Variants in GMDS observed in about 807,000 individuals in gnomAD.
The protein encoded by GMDS is GDP-mannose 4,6-dehydratase, also known as GDP-mannose 4,6 dehydratase.
GMDS carries 20 observed loss-of-function variants against 49.9 expected under a neutral mutation model. The observed-to-expected ratio is 0.40, with a 90% confidence interval of 0.28 to 0.58. The LOEUF is 0.58. Ranked by LOEUF, GMDS falls within the 20% of genes least tolerant of loss-of-function variation. GMDS has a pLI of 0.42. For synonymous variants in GMDS, 177 were observed against 178.6 expected (o/e 0.99, Z 0.07); for missense variants, 362 against 481.4 (o/e 0.75, Z 2.32).
intron 9 of GMDS, among the ~76,000 whole-genome samples, chr6:1,650,244 A>G (rs1763610533): frequency 6.6e-6 from 1 of 152,058 alleles, no homozygotes; most frequent in Admixed American, 6.5e-5. Flanking sequence ...CCCAGCAAAG[A>G]CTGACAGGAT....
intron 7 of GMDS, among the ~76,000 whole-genome samples, chr6:1,928,027 T>A (rs1444467797): frequency 6.6e-6 from 1 of 152,194 alleles, no homozygotes; most frequent in East Asian, 1.9e-4. Context: ...TGAATGAAAT[T>A]TAATCGATTT....
intron 4 of GMDS, among the ~76,000 whole-genome samples, chr6:2,053,210 C>T (rs997863134): frequency 6.6e-6 from 1 of 151,874 alleles, no homozygotes; most frequent in Non-Finnish European, 1.5e-5. Flanking sequence ...AAAAAATAGG[C>T]CTTATATAAA....
intron 9 of GMDS, among the ~76,000 whole-genome samples, chr6:1,632,713 C>CA (rs938142446): frequency 3.3e-5 from 5 of 152,036 alleles, no homozygotes; most frequent in African/African-American, 4.8e-5. Flanking sequence ...CCTGTCTCTA[C>CA]AAAAAACTTT....
intron 7 of GMDS, among the ~76,000 whole-genome samples, chr6:1,814,669 T>C (rs1001753967): frequency 3.3e-5 from 5 of 152,208 alleles, no homozygotes; most frequent in African/African-American, 9.6e-5. Context: ...AATATATATA[T>C]TTGACTGATA....
At chr6:1,819,089 G>A (rs1303844857) in intron 7 of GMDS, among the ~76,000 whole-genome samples, 1 of 151,792 alleles carries the variant, frequency 6.6e-6, no homozygotes, top group African/African-American at 2.4e-5. Context: ...AGATGCTACT[G>A]ACAGACTGCA....
intron 7 of GMDS, among the ~76,000 whole-genome samples, chr6:1,812,370 C>T (rs1004129735): frequency 5.9e-5 from 9 of 152,148 alleles, no homozygotes; most frequent in Non-Finnish European, 1.3e-4. Context: ...CAGAGGATTA[C>T]CTACTGGGGC....
chr6:1,799,521 A>G (rs1769864876), intron 7 of GMDS, among the ~76,000 whole-genome samples: 1 of 152,186 alleles, frequency 6.6e-6, no homozygotes, highest in Non-Finnish European at 1.5e-5. Context: ...CTTCATTATT[A>G]TCGAAATAGG....
At chr6:2,188,881 G>A (rs1370788261) in intron 1 of GMDS, among the ~76,000 whole-genome samples, 1 of 152,192 alleles carries the variant, frequency 6.6e-6, no homozygotes, top group African/African-American at 2.4e-5. Context: ...GGGCCCTGGA[G>A]AAAGATCAGC....
intron 4 of GMDS, among the ~76,000 whole-genome samples, chr6:2,009,886 T>C (rs1767441809): frequency 6.6e-6 from 1 of 152,014 alleles, no homozygotes; most frequent in African/African-American, 2.4e-5. Flanking sequence ...CAATGACCAG[T>C]TGGAAAAAGT....
At chr6:1,763,829 T>C (rs528492505) in intron 7 of GMDS, among the ~76,000 whole-genome samples, 2 of 152,274 alleles carry the variant, frequency 1.3e-5, no homozygotes, top group African/African-American at 4.8e-5. Flanking sequence ...CTAGTGAAAG[T>C]AGTGAACATC....
intron 9 of GMDS, among the ~76,000 whole-genome samples, chr6:1,685,508 G>A (rs1764947003): frequency 6.6e-6 from 1 of 151,996 alleles, no homozygotes; most frequent in Non-Finnish European, 1.5e-5. Context: ...AAAAAAAACT[G>A]TTTAATCTGA....
At chr6:1,788,478 T>A (rs530189563) in intron 7 of GMDS, among the ~76,000 whole-genome samples, 3 of 152,166 alleles carry the variant, frequency 2.0e-5, no homozygotes, top group Non-Finnish European at 4.4e-5. Flanking sequence ...GGCAGAAATG[T>A]CTGGGAAGAT....
At chr6:2,097,747 C>A (rs1046313370) in intron 4 of GMDS, among the ~76,000 whole-genome samples, 1 of 152,106 alleles carries the variant, frequency 6.6e-6, no homozygotes, top group Non-Finnish European at 1.5e-5. Context: ...GCTCCAGTTC[C>A]GCCCTAAAAC....
chr6:2,035,107 A>G (rs1443658182), intron 4 of GMDS, among the ~76,000 whole-genome samples: 1 of 152,164 alleles, frequency 6.6e-6, no homozygotes, highest in Non-Finnish European at 1.5e-5. Flanking sequence ...TTCTTCACAC[A>G]CACAACATCA....
chr6:2,150,801 T>C (rs1776806050), intron 1 of GMDS, among the ~76,000 whole-genome samples: 1 of 151,282 alleles, frequency 6.6e-6, no homozygotes, highest in African/African-American at 2.4e-5. Flanking sequence ...ACTTCTGTTA[T>C]CAACACTTCT....
chr6:1,880,566 G>T (rs564078755), intron 7 of GMDS, among the ~76,000 whole-genome samples: 14 of 152,212 alleles, frequency 9.2e-5, no homozygotes, highest in African/African-American at 2.6e-4. Context: ...CCCTAACACT[G>T]TAAGTTTACT....
At chr6:1,913,388 C>CAAA (rs56262461) in intron 7 of GMDS, among the ~76,000 whole-genome samples, 19,818 of 96,908 alleles carry the variant, frequency 0.2, no homozygotes, top group Non-Finnish European at 0.24. Flanking sequence ...CTCAAACAAA[C>CAAA]AAAAAAAAAA....
intron 1 of GMDS, among the ~76,000 whole-genome samples, chr6:2,217,139 C>T (rs546576067): frequency 4.6e-5 from 7 of 152,152 alleles, no homozygotes; most frequent in Non-Finnish European, 1.0e-4. Flanking sequence ...AGGTAAGCAG[C>T]TTGGCATTGG....
intron 8 of GMDS, among the ~76,000 whole-genome samples, chr6:1,738,624 T>A (rs758940838): frequency 1.3e-5 from 2 of 151,886 alleles, no homozygotes; most frequent in Non-Finnish European, 2.9e-5. Context: ...TACAGCCTCA[T>A]GTAATATGAG....
Sources: allele counts gnomAD v4.1 joint callset (sites outside exome capture counted in the v4.1 genomes callset), GRCh38; gene constraint gnomAD v4.1.1; transcripts MANE v1.5; gene names NCBI Gene and HGNC (gene_info 2026-07-23, HGNC 2026-07-21).